The following LRRC8C variants were observed in gnomAD, a reference collection of about 807,000 sequenced individuals.
LRRC8C encodes leucine rich repeat containing 8 VRAC subunit C.
LRRC8C carries 20 observed loss-of-function variants against 55.3 expected under a neutral mutation model. The observed-to-expected ratio is 0.36, with a 90% confidence interval of 0.25 to 0.53. LRRC8C has a LOEUF of 0.53. LRRC8C is among the 20% of genes least tolerant of loss of function. The pLI, the probability that LRRC8C is intolerant of heterozygous loss-of-function variation, is 0.92. For synonymous variants in LRRC8C, 376 were observed against 360.7 expected (o/e 1.04, Z -0.48); for missense variants, 659 against 951.4 (o/e 0.69, Z 4.04).
chr1:89,662,113 G>A (rs1447240211), intron 1 of LRRC8C, among the ~76,000 whole-genome samples: 1 of 152,140 alleles, frequency 6.6e-6, no homozygotes, highest in East Asian at 1.9e-4. Flanking sequence ...ATTGTCTTGG[G>A]CCACACATAA....
chr1:89,707,367 A>G (rs1658512924), intron 2 of LRRC8C, among the ~76,000 whole-genome samples: 1 of 152,014 alleles, frequency 6.6e-6, no homozygotes, highest in South Asian at 2.1e-4. Flanking sequence ...AGATTGCGCC[A>G]CTGCACTCCA....
Position 89,713,049 on chromosome 1 carries a change from C to G in LRRC8C, c.479C>G (p.Ser160Cys). 6.2e-7 allele frequency: 1 copy of G among 1,613,576 alleles called. No homozygotes were observed. The part of the protein sequence containing the change: ...GSSSKIEHFI[S>C]ILGKCFDSPW... Reference sequence around the variant, plus strand: ...AGCTCCAAAATAGAACATTTCATCTCCATTCTGGGGAAGTGTTTTGACTCT... The same window carrying G: ...AGCTCCAAAATAGAACATTTCATCTGCATTCTGGGGAAGTGTTTTGACTCT... Residue 160 changes from serine (S) to cysteine (C), a missense_variant, in exon 3 of 3, where the codon TCC becomes TGC. Transcript: ENST00000370454. This position sits in a 1 kb window ranked among gnomAD's most constrained non-coding sequence, Gnocchi z 5.2.
In LRRC8C at chr1:89,714,572, A is replaced by G. The variant is rs1658756636; in HGVS notation, c.2002A>G (p.Ser668Gly). 2.5e-6 allele frequency: 4 copies of G among 1,614,054 alleles called. No individual in the cohort carries two copies. The highest frequency in any genetic ancestry group is 3.4e-6 in the Non-Finnish European group (4 of 1,180,024). ...KLTSLERLSF[S>G]HNKIEVLPSH... ...CACCAGCCTGGAACGCCTGTCCTTT[A>G]GTCACAATAAAATAGAGGTGCTGCC... The change falls in exon 3 of 3, where the codon AGT becomes GGT. Residue 668 changes from serine to glycine, a missense_variant. Around this residue, in one of 5 missense-constraint regions of LRRC8C, gnomAD observed 344 missense variants for 464.6 expected, o/e 0.74. Transcript: ENST00000370454. This position sits in a 1 kb window ranked among gnomAD's most constrained non-coding sequence, Gnocchi z 4.6.
intron 1 of LRRC8C, among the ~76,000 whole-genome samples, chr1:89,650,496 T>A (rs1163795703): frequency 6.8e-6 from 1 of 148,146 alleles, no homozygotes. Flanking sequence ...AATTAGGAAG[T>A]AAAAAAAAAA....
chr1:89,696,756 C>T, intron 2 of LRRC8C, among the ~76,000 whole-genome samples: 1 of 152,094 alleles, frequency 6.6e-6, no homozygotes, highest in East Asian at 1.9e-4. Flanking sequence ...GAGTTCAGTC[C>T]TTTTCCTTAA....
chr1:89,675,892 G>T (rs1403514027), intron 1 of LRRC8C, among the ~76,000 whole-genome samples: 1 of 152,194 alleles, frequency 6.6e-6, no homozygotes, highest in Non-Finnish European at 1.5e-5. Flanking sequence ...TTCTGAGAGA[G>T]ACTATAGGTA....
chr1:89,685,958 T>C (rs534171234), intron 1 of LRRC8C, among the ~76,000 whole-genome samples: 45 of 152,084 alleles, frequency 3.0e-4, no homozygotes, highest in Non-Finnish European at 5.0e-4. Flanking sequence ...ACTGTTTTCC[T>C]TTCCCATGGA....
At chr1:89,709,663 C>G (rs1443291276) in intron 2 of LRRC8C, among the ~76,000 whole-genome samples, 2 of 152,022 alleles carry the variant, frequency 1.3e-5, no homozygotes, top group Non-Finnish European at 2.9e-5. Flanking sequence ...GAAGATGCCT[C>G]CCTTTTTACC....
At chr1:89,707,417 A>G (rs1276737851) in intron 2 of LRRC8C, among the ~76,000 whole-genome samples, 1 of 151,888 alleles carries the variant, frequency 6.6e-6, no homozygotes, top group Non-Finnish European at 1.5e-5. Flanking sequence ...AAAAAAACAA[A>G]AACAAAAAAA....
intron 1 of LRRC8C, among the ~76,000 whole-genome samples, chr1:89,638,995 A>ATTTTATTTTATTTTATTTTATTTTAT (rs1328751469): frequency 6.6e-6 from 1 of 150,690 alleles, no homozygotes; most frequent in African/African-American, 2.4e-5. Flanking sequence ...ATTTTATTTT[A>ATTTTATTTTATTTTATTTTATTTTAT]TTTGAGACAG....
At chr1:89,624,706 A>G in the LRRC8C span, 3 of 152,356 alleles carry the variant, frequency 2.0e-5, no homozygotes, top group African/African-American at 7.2e-5. Flanking sequence ...CAACAAGAAA[A>G]GTCTTATGAA....
At chr1:89,705,822 G>T (rs1658465914) in intron 2 of LRRC8C, among the ~76,000 whole-genome samples, 1 of 151,970 alleles carries the variant, frequency 6.6e-6, no homozygotes, top group African/African-American at 2.4e-5. Flanking sequence ...CAGATTTATG[G>T]TAGCAAAAAA....
At chr1:89,689,347 C>T (rs924317066) in intron 2 of LRRC8C, among the ~76,000 whole-genome samples, 1 of 152,146 alleles carries the variant, frequency 6.6e-6, no homozygotes, top group African/African-American at 2.4e-5. Context: ...TGCCAGATCA[C>T]GTAGGGCCTT....
chr1:89,711,843 ATC>A (rs1203722530), intron 2 of LRRC8C, among the ~76,000 whole-genome samples: 2 of 152,196 alleles, frequency 1.3e-5, no homozygotes, highest in African/African-American at 4.8e-5. Context: ...GTATTTTTTT[ATC>A]TCTCTCTGAA....
chr1:89,674,069 C>T (rs927222239), intron 1 of LRRC8C, among the ~76,000 whole-genome samples: 1 of 152,236 alleles, frequency 6.6e-6, no homozygotes, highest in East Asian at 1.9e-4. Context: ...TCTACATAGA[C>T]TGTTGGCCTT....
At chr1:89,622,372 G>A in the LRRC8C span, among the ~76,000 whole-genome samples, 2 of 141,472 alleles carry the variant, frequency 1.4e-5, no homozygotes, top group South Asian at 2.2e-4. Context: ...CCGCTCTGTC[G>A]CCCAGGCTGG....
intron 1 of LRRC8C, among the ~76,000 whole-genome samples, chr1:89,661,000 T>C (rs552590612): frequency 5.3e-5 from 8 of 152,372 alleles, no homozygotes; most frequent in African/African-American, 1.4e-4. Flanking sequence ...CCTTTTGTAT[T>C]CCTTTGCTTG....
intron 2 of LRRC8C, among the ~76,000 whole-genome samples, chr1:89,694,268 A>G (rs1203893382): frequency 2.0e-5 from 3 of 152,028 alleles, no homozygotes; most frequent in Non-Finnish European, 4.4e-5. Context: ...CTGAATTCCA[A>G]TTTTATGTGG....
chr1:89,672,224 A>G (rs550587198), intron 1 of LRRC8C, among the ~76,000 whole-genome samples: 1 of 152,148 alleles, frequency 6.6e-6, no homozygotes, highest in Non-Finnish European at 1.5e-5. Context: ...ACTATACTTC[A>G]TACTTCCATG....
Sources: allele counts gnomAD v4.1 joint callset (sites outside exome capture counted in the v4.1 genomes callset), GRCh38; gene constraint gnomAD v4.1.1; regional missense constraint gnomAD v4.1.1; non-coding constraint Gnocchi (gnomAD v3.1); transcripts MANE v1.5; gene names NCBI Gene and HGNC (gene_info 2026-07-23, HGNC 2026-07-21).